Variants in NPHS1 observed in about 807,000 individuals in gnomAD.
NPHS1 encodes NPHS1 adhesion molecule, nephrin.
In NPHS1, 107 loss-of-function variants were observed where a neutral mutation model predicts 139.7. The observed-to-expected ratio is 0.77, with a 90% CI of 0.66 to 0.90. The LOEUF (loss-of-function observed/expected upper bound fraction) is 0.90. Among genes scored for constraint, NPHS1 ranks in the 40% least tolerant of loss-of-function variants. The probability of loss-of-function intolerance (pLI) is 0.00; values close to 1 mark genes in which losing one functional copy is unlikely to be tolerated. For synonymous variants in NPHS1, 707 were observed against 706.6 expected, an observed-to-expected ratio of 1.00 and a Z score of -0.01; for missense variants, 1,580 against 1,654.2, an observed-to-expected ratio of 0.96 and a Z score of 0.78.
intron 7 of NPHS1, 28 bp downstream of exon 7, chr19:35,849,208 C>G: frequency 1.2e-6 from 2 of 1,613,710 alleles, no homozygotes; most frequent in South Asian, 1.1e-5. Flanking sequence ...ACTGTCCCCC[C>G]ATTCCCCATG....
At chr19:35,832,500 C>T (rs1972897697) in intron 23 of NPHS1, among the ~76,000 whole-genome samples, 1 of 151,962 alleles carries the variant, frequency 6.6e-6, no homozygotes, top group South Asian at 2.1e-4. Context: ...GCTATGATAG[C>T]ACCACTGCAC....
intron 28 of NPHS1, among the ~76,000 whole-genome samples, chr19:35,829,301 G>A (rs1972842204): frequency 6.6e-6 from 1 of 152,238 alleles, no homozygotes; most frequent in African/African-American, 2.4e-5. Context: ...GGCATTTGGG[G>A]CCACTGGAAA....
chr19:35,849,841 G>C (rs904688186), intron 5 of NPHS1, among the ~76,000 whole-genome samples, 188 bp from the exon 6 acceptor site: 11 of 152,122 alleles, frequency 7.2e-5, no homozygotes, highest in Admixed American at 7.2e-4. Flanking sequence ...AGCCTAGAGA[G>C]CCCCACATCT....
intron 28 of NPHS1, among the ~76,000 whole-genome samples, chr19:35,829,926 C>A (rs1972853352): frequency 6.6e-6 from 1 of 152,018 alleles, no homozygotes; most frequent in African/African-American, 2.4e-5. Flanking sequence ...CCTACCTCAG[C>A]CTGCTGAGAT....
intron 19 of NPHS1, 120 bp from the exon 20 acceptor site, chr19:35,841,986 C>A (rs2146819190): frequency 7.1e-7 from 1 of 1,407,856 alleles, no homozygotes. Flanking sequence ...ATCCATTTAT[C>A]TTTTCATCCA....
intron 28 of NPHS1, among the ~76,000 whole-genome samples, chr19:35,829,504 C>T (rs144196862): frequency 3.0e-4 from 46 of 151,926 alleles, no homozygotes; most frequent in African/African-American, 1.1e-3. Flanking sequence ...GTAGCTGAGA[C>T]CACAGGCATG....
chr19:35,847,044 C>A (rs1973152578), intron 11 of NPHS1, among the ~76,000 whole-genome samples: 1 of 152,004 alleles, frequency 6.6e-6, no homozygotes, highest in African/African-American at 2.4e-5. Context: ...ATTTTCTTTT[C>A]TTTTCTTTTC....
At position 35,826,227 on chromosome 19, in the gene NPHS1, G is replaced by A. The variant is rs151204365; in HGVS notation, c.*287C>T. ...CTCCCAAAGTGCTGGGATTATAGGC[G>A]TGAGTCACCGCACCCGGCAGCATTT... On this transcript the variant is annotated 3_prime_UTR_variant, in exon 29 of 29. Coordinates refer to ENST00000378910, the MANE Select transcript of NPHS1 (RefSeq NM_004646.4). The A allele has an allele frequency of 1.4e-3, 527 of 382,986 alleles. 6 individuals carry two copies. Among genetic ancestry groups the A allele is most frequent in the African/African-American group, 0.01 (487 of 48,296 alleles). The allele number at this position is 382,986 out of a possible 1,614,324, so 23.7% of individuals were successfully genotyped here. A position where few individuals can be genotyped will look rare whatever the true frequency, so the allele number is the denominator to read the frequency against.
chr19:35,849,463 A>C, intron 6 of NPHS1, 87 bp downstream of exon 6: 1 of 1,597,658 alleles, frequency 6.3e-7, no homozygotes, highest in Non-Finnish European at 8.6e-7. Context: ...TGAGTGCCTG[A>C]ATTTCCATAA....
Position 35,844,172 on chromosome 19 carries a change from C to T in NPHS1, c.2143G>A (p.Gly715Ser). 6.2e-7 allele frequency: 1 copy of T among 1,611,046 alleles called. No individual in the cohort carries two copies. The highest frequency in any genetic ancestry group is 8.5e-7 in the Non-Finnish European group (1 of 1,179,994). The change falls in exon 16 of 29, where the codon GGC (glycine) becomes AGC (serine). Residue 715 changes from glycine (G) to serine (S), a missense_variant. Coordinates refer to ENST00000378910, the MANE Select transcript of NPHS1 (RefSeq NM_004646.4). The stretch of plus-strand genomic sequence containing the variant: ...TTCTGGCAGTGCAGCTGATAGAGGC[C>T]GTCGTCCGCGCGGGTCACATTCCAC... The part of the protein sequence containing the change: ...HLWNVTRADD[G>S]LYQLHCQNSE...
At chr19:35,841,928 A>T in intron 19 of NPHS1, 62 bp from the exon 20 acceptor site, 2 of 1,513,578 alleles carry the variant, frequency 1.3e-6, no homozygotes, top group South Asian at 2.4e-5. Flanking sequence ...GCTTGGAATC[A>T]TCTATGCATC....
intron 20 of NPHS1, among the ~76,000 whole-genome samples, chr19:35,841,423 T>C (rs1350427177): frequency 6.6e-6 from 1 of 152,164 alleles, no homozygotes; most frequent in African/African-American, 2.4e-5. Flanking sequence ...GAGTTGCTGA[T>C]GGCAGCTGAA....
At chr19:35,851,179 C>T (rs1973242868) in intron 3 of NPHS1, 83 bp downstream of exon 3, 1 of 1,613,094 alleles carries the variant, frequency 6.2e-7, no homozygotes, top group Non-Finnish European at 8.5e-7. Flanking sequence ...AGAGGAGAGG[C>T]TGGGGGCTTG....
Position 35,831,316 on chromosome 19 carries a change from G to C in NPHS1, c.3367C>G (p.Arg1123Gly), listed in dbSNP as rs373931233. 28 of 1,613,868 alleles carry C rather than the reference G, an allele frequency of 1.7e-5. No individual in the cohort carries two copies. The African/African-American group carries it at 3.7e-4, about 22-fold the overall frequency. Residue 1123 changes from arginine to glycine, a missense_variant, in exon 26 of 29, where the codon CGG becomes GGG. By Grantham distance (125) the Arg-to-Gly change is moderately radical (BLOSUM62 -2). Coordinates refer to ENST00000378910, the MANE Select transcript of NPHS1 (RefSeq NM_004646.4). Reference sequence around the variant, plus strand: ...CTTACCGTGGAGCTCTGAGTGTCCCGCTCTCCTGTCCACTGGCTCTCCTCA... The same window carrying C: ...CTTACCGTGGAGCTCTGAGTGTCCCCCTCTCCTGTCCACTGGCTCTCCTCA... ...EYEESQWTGE[R>G]DTQSSTVSTT...
At chr19:35,837,437 A>AT (rs911104283) in intron 22 of NPHS1, among the ~76,000 whole-genome samples, 2 of 151,670 alleles carry the variant, frequency 1.3e-5, no homozygotes, top group Non-Finnish European at 2.9e-5. Flanking sequence ...AATGTTATTG[A>AT]TTTTTTTCAA....
chr19:35,838,467 C>A (rs540497397), intron 22 of NPHS1, among the ~76,000 whole-genome samples: 82 of 151,574 alleles, frequency 5.4e-4, no homozygotes, highest in African/African-American at 1.9e-3. Context: ...GCAGGAGAAT[C>A]GCTTGAACCC....
At position 35,844,211 on chromosome 19, in the gene NPHS1, C is replaced by G; in HGVS notation, c.2104G>C (p.Gly702Arg). ...GTCACATTCCACAGATGCAGAGCCC[C>G]GCTGGACAGGATGCGATGCCGGGGG... ...GGPRHRILSS[G>R]ALHLWNVTRA... Residue 702 changes from glycine (G) to arginine (R), a missense_variant, in exon 16 of 29, where the codon GGG becomes CGG. By Grantham distance (125) the Gly-to-Arg change is moderately radical (BLOSUM62 -2). Transcript: ENST00000378910. The G allele has an allele frequency of 1.2e-6, 2 of 1,612,770 alleles. No homozygotes were observed. The highest frequency in any genetic ancestry group is 1.7e-6 in the Non-Finnish European group (2 of 1,179,944).
chr19:35,848,530 C>G, intron 9 of NPHS1, 107 bp downstream of exon 9: 3 of 1,582,138 alleles, frequency 1.9e-6, no homozygotes, highest in African/African-American at 2.7e-5. Flanking sequence ...ACCCATGGTC[C>G]TCAAGGAGAA....
In NPHS1 at chr19:35,841,872, G is replaced by A; in HGVS notation, c.2664-6C>T. Reference sequence around the variant, plus strand: ...GGTATGTGTGCTCCGTGTACCTAGAGAGAAGGTAGGGCACCACTCACCCTT... The same window carrying A: ...GGTATGTGTGCTCCGTGTACCTAGAAAGAAGGTAGGGCACCACTCACCCTT... On this transcript the variant is annotated splice_region_variant and splice_polypyrimidine_tract_variant and intron_variant, in intron 19 of 28. Transcript: ENST00000378910. 1.2e-6 allele frequency: 2 copies of A among 1,604,418 alleles called. No homozygotes were observed. Among genetic ancestry groups the A allele is most frequent in the Non-Finnish European group, 1.7e-6 (2 of 1,175,236 alleles).
Sources: gnomAD v4.1 joint callset for allele counts (sites outside exome capture counted in the v4.1 genomes callset) on GRCh38, gnomAD v4.1.1 for gene constraint, MANE v1.5 for transcripts, NCBI Gene and HGNC (gene_info 2026-07-23, HGNC 2026-07-21) for gene names.